PTPRQ: variants seen among roughly 807,000 people sequenced by gnomAD.
The protein encoded by PTPRQ is phosphatidylinositol phosphatase PTPRQ.
A neutral mutation model predicts 246.0 loss-of-function variants in PTPRQ; 199 were observed. The observed-to-expected ratio is 0.81, with a 90% CI of 0.72 to 0.91. The LOEUF is 0.91. PTPRQ is among the 40% of genes least tolerant of loss of function. PTPRQ has a pLI of 0.00. For missense variants in PTPRQ, 2,624 were observed against 2,528.4 expected (o/e 1.04, Z -0.81); for synonymous variants, 869 against 853.2 (o/e 1.02, Z -0.32).
intron 8 of PTPRQ, among the ~76,000 whole-genome samples, chr12:80,480,316 T>C (rs1041705154): frequency 1.8e-4 from 28 of 152,138 alleles, no homozygotes; most frequent in Non-Finnish European, 4.4e-5. Flanking sequence ...AGATGTTCTT[T>C]GAAACCAACT....
At chr12:80,632,436 T>C (rs780262233) in intron 34 of PTPRQ, 145 bp downstream of exon 34, 129 of 1,184,550 alleles carry the variant, frequency 1.1e-4, no homozygotes, top group Non-Finnish European at 1.5e-4. Context: ...ATTTATCATG[T>C]ACAATATGAT....
At chr12:80,526,661 G>C (rs1895694883) in intron 17 of PTPRQ, among the ~76,000 whole-genome samples, 2 of 152,080 alleles carry the variant, frequency 1.3e-5, no homozygotes, top group Admixed American at 1.3e-4. Flanking sequence ...TCTTTGGGGA[G>C]AGCCAGGAGT....
chr12:80,463,704 G>A (rs1026781317), intron 6 of PTPRQ, among the ~76,000 whole-genome samples: 1 of 151,442 alleles, frequency 6.6e-6, no homozygotes, highest in African/African-American at 2.4e-5. Context: ...GAGAGTGGGG[G>A]CCAATATTCA....
Position 80,644,233 on chromosome 12 carries a change from G to C in PTPRQ, c.5916-4664G>C, listed in dbSNP as rs368599502. ...AGTTTTTGATAGGCTTTAAAGAAATGAGTCCAGACGTGAAATAAGACACTT... is the reference window on the plus strand; with the variant it reads ...AGTTTTTGATAGGCTTTAAAGAAATCAGTCCAGACGTGAAATAAGACACTT... On this transcript the variant is annotated intron_variant, in intron 35 of 44. Coordinates refer to ENST00000644991, the MANE Select transcript of PTPRQ (RefSeq NM_001145026.2). Among the ~76,000 whole-genome samples the C allele has an allele frequency of 3.0e-4, 45 of 152,256 alleles. No individual in the cohort carries two copies. The East Asian group carries it at 6.4e-3, about 22-fold the overall frequency.
In PTPRQ at chr12:80,494,978, T is replaced by G. The variant is rs1424879343; in HGVS notation, c.1586T>G (p.Leu529Arg). ...ATTACTGACATTGCAGCTGAACAGC[T>G]GTCTTATGTTATCAGGAGACTTGTA... is the stretch of plus-strand genomic sequence containing the variant. ...QYITDIAAEQ[L>R]SYVIRRLVPF... The change falls in exon 11 of 45, where the codon CTG becomes CGG. Residue 529 changes from leucine to arginine, a missense_variant. Physicochemically the swap from Leu to Arg is moderately radical, Grantham distance 102. Transcript: ENST00000644991. The G allele has an allele frequency of 6.5e-7, 1 of 1,550,148 alleles. No homozygotes were observed. Among genetic ancestry groups the G allele is most frequent in the Admixed American group, 2.0e-5 (1 of 50,920 alleles).
intron 25 of PTPRQ, among the ~76,000 whole-genome samples, chr12:80,552,676 TA>T (rs1349407006): frequency 2.5e-5 from 3 of 118,978 alleles, no homozygotes; most frequent in South Asian, 2.5e-4. Flanking sequence ...TATATATATA[TA>T]TATATATATA....
chr12:80,472,047 T>C lies in PTPRQ; in HGVS notation c.1040-58T>C. 1.9e-6 allele frequency: 3 copies of C among 1,540,808 alleles called. No individual in the cohort carries two copies. The East Asian group carries it at 7.4e-5, about 38-fold the overall frequency. The stretch of plus-strand genomic sequence containing the variant: ...TTGTCTTTGGCTCTGTACTTAAATG[T>C]GAACATGATTGCACGCTTGATAAAA... On this transcript the variant is annotated intron_variant, in intron 7 of 44. Transcript: ENST00000644991.
chr12:80,629,799 G>A (rs1899354414), intron 33 of PTPRQ, among the ~76,000 whole-genome samples: 2 of 152,318 alleles, frequency 1.3e-5, no homozygotes, highest in South Asian at 4.1e-4. Context: ...TGCAAGACAG[G>A]ATGGTGGCCT....
chr12:80,640,578 C>A (rs1899820925), intron 35 of PTPRQ, among the ~76,000 whole-genome samples: 1 of 152,130 alleles, frequency 6.6e-6, no homozygotes, highest in Non-Finnish European at 1.5e-5. Flanking sequence ...CTTGCAGATA[C>A]TCTTCATTTT....
At chr12:80,625,373 C>T (rs1279152611) in intron 33 of PTPRQ, among the ~76,000 whole-genome samples, 2 of 152,056 alleles carry the variant, frequency 1.3e-5, no homozygotes, top group Non-Finnish European at 2.9e-5. Flanking sequence ...CAAGGTCATC[C>T]ACCCACCAGG....
intron 25 of PTPRQ, among the ~76,000 whole-genome samples, chr12:80,581,645 A>T (rs1238864030): frequency 2.4e-4 from 36 of 152,164 alleles, no homozygotes; most frequent in Admixed American, 2.4e-3. Context: ...AAGAAAAAAA[A>T]AGTAAAAATT....
chr12:80,513,504 A>G (rs1316133294), intron 17 of PTPRQ, among the ~76,000 whole-genome samples: 1 of 151,814 alleles, frequency 6.6e-6, no homozygotes, highest in African/African-American at 2.4e-5. Context: ...GGGTCTTGGG[A>G]TTTTTATAGG....
chr12:80,445,717 G>C lies in PTPRQ; in HGVS notation c.390G>C (p.Lys130Asn). 6.6e-7 allele frequency: 1 copy of C among 1,524,516 alleles called. No homozygotes were observed. Among genetic ancestry groups the C allele is most frequent in the Non-Finnish European group, 8.9e-7 (1 of 1,122,920 alleles). The allele number at this position is 1,524,516 out of a possible 1,614,324, so 94.4% of individuals were successfully genotyped here. ...NLNPGTTYEI[K>N]VAAENSAGIG... is the part of the protein sequence containing the mutation. ...ATCCTGGAACAACATATGAAATTAA[G>C]GTAATTATTTTGTGTATGACTACTT... Residue 130 changes from lysine to asparagine, a missense_variant and splice_region_variant, in exon 3 of 45, where the codon AAG (lysine) becomes AAC (asparagine). Transcript: ENST00000644991.
rs1592562226 is a variant in PTPRQ, at chr12:80,480,984, A to T, written c.1187-3449A>T. ...GTACCATTCCTTCTGAAACTATTCC[A>T]ATCAATAGAAAAAGAGGGAATCCTC... On this transcript the variant is annotated intron_variant, in intron 8 of 44. Coordinates refer to ENST00000644991, the MANE Select transcript of PTPRQ (RefSeq NM_001145026.2). 2.0e-5 allele frequency among the ~76,000 whole-genome samples: 3 copies of T among 152,252 alleles called. No individual in the cohort carries two copies. The South Asian group carries it at 6.2e-4, about 32-fold the overall frequency.
chr12:80,497,114 G>T (rs559737533), intron 14 of PTPRQ, among the ~76,000 whole-genome samples: 1 of 151,914 alleles, frequency 6.6e-6, no homozygotes, highest in South Asian at 2.1e-4. Flanking sequence ...AGTGAGGTTG[G>T]TTTCTGGATG....
rs907019878 is a variant in PTPRQ, at chr12:80,669,114, G to A, written c.6300G>A (p.Met2100Ile). ...VWETRAKTLVMLTQCFEKGRI... is the reference protein window; with the variant it reads ...VWETRAKTLVILTQCFEKGRI... Reference sequence around the variant, plus strand: ...AAACCAGAGCAAAAACATTAGTAATGCTAACACAGTGTTTTGAAAAAGGAC... The same window carrying A: ...AAACCAGAGCAAAAACATTAGTAATACTAACACAGTGTTTTGAAAAAGGAC... The change falls in exon 40 of 45, where the codon ATG becomes ATA. Residue 2100 changes from methionine to isoleucine, a missense_variant. By Grantham distance (10) the Met-to-Ile change is conservative. Transcript: ENST00000644991. 1.3e-5 allele frequency: 20 copies of A among 1,548,602 alleles called. No individual in the cohort carries two copies. The highest frequency in any genetic ancestry group is 9.9e-5 in the Admixed American group (5 of 50,540).
At chr12:80,678,098 C>G (rs1027353881) in intron 43 of PTPRQ, among the ~76,000 whole-genome samples, 30 of 152,034 alleles carry the variant, frequency 2.0e-4, no homozygotes, top group African/African-American at 7.2e-4. Context: ...AAATCAGGAC[C>G]AGATACTTGA....
rs542885346 is a variant in PTPRQ at position 80,574,795 on chromosome 12, G to T, written c.4286-13334G>T. Among the ~76,000 whole-genome samples the T allele has an allele frequency of 2.8e-4, 42 of 152,264 alleles. 1 individual carries two copies. The South Asian group carries it at 4.1e-3, about 15-fold the overall frequency. ...CAGCTATATATATTAATATACGTGT[G>T]TATGTGTGCATGCACACTCGGTTTT... On this transcript the variant is annotated intron_variant, in intron 25 of 44. Coordinates refer to ENST00000644991, the MANE Select transcript of PTPRQ (RefSeq NM_001145026.2).
intron 36 of PTPRQ, 141 bp downstream of exon 36, chr12:80,649,064 A>T: frequency 1.3e-6 from 1 of 762,140 alleles, no homozygotes; most frequent in Non-Finnish European, 1.9e-6. Flanking sequence ...TAAAAGCATG[A>T]CTAATTGCAT....
Sources: gnomAD v4.1 joint callset for allele counts (sites outside exome capture counted in the v4.1 genomes callset) on GRCh38, gnomAD v4.1.1 for gene constraint, MANE v1.5 for transcripts, NCBI Gene and HGNC (gene_info 2026-07-23, HGNC 2026-07-21) for gene names.